The following CACNA1C variants were observed in gnomAD, a reference collection of about 807,000 sequenced individuals.
The protein encoded by CACNA1C is voltage-dependent L-type calcium channel subunit alpha-1C.
CACNA1C carries 30 observed loss-of-function variants against 229.0 expected under a neutral mutation model. The observed-to-expected ratio is 0.13, with a 90% CI of 0.10 to 0.18. The LOEUF is 0.18. Among genes scored for constraint, CACNA1C ranks in the 10% least tolerant of loss-of-function variants. CACNA1C has a pLI of 1.00. For synonymous variants in CACNA1C, 1,114 were observed against 1,132.5 expected (o/e 0.98, Z 0.33); for missense variants, 1,658 against 2,845.0 (o/e 0.58, Z 9.49).
At chr12:2,088,750 C>T (rs1439604458) in intron 1 of CACNA1C, among the ~76,000 whole-genome samples, 1 of 152,068 alleles carries the variant, frequency 6.6e-6, no homozygotes, top group Non-Finnish European at 1.5e-5. Context: ...CGGAGAAGGA[C>T]CTTCCCACTG....
At chr12:2,463,451 T>C (rs2099529363) in intron 5 of CACNA1C, among the ~76,000 whole-genome samples, 1 of 152,182 alleles carries the variant, frequency 6.6e-6, no homozygotes, top group African/African-American at 2.4e-5. Flanking sequence ...AGAAAAAATA[T>C]TCATAAAAAT....
intron 1 of CACNA1C, among the ~76,000 whole-genome samples, chr12:2,023,269 C>T (rs2046774543): frequency 6.6e-6 from 1 of 152,154 alleles, no homozygotes; most frequent in South Asian, 2.1e-4. Context: ...TCTTACTGCC[C>T]TGGACAGCCT....
rs977960185 is a variant in CACNA1C, at chr12:2,108,766, C to T, written c.50-6458C>T. ...CGAGAGACGGTGTCCTCTCTGTTCA[C>T]GTCCTCCAGCTATCTGTGTACTGCA... On this transcript the variant is annotated intron_variant, in intron 1 of 46. Coordinates refer to ENST00000399655, the MANE Select transcript of CACNA1C (RefSeq NM_000719.7). This position sits in a 1 kb window ranked among gnomAD's most constrained non-coding sequence, Gnocchi z 5.3. Among the ~76,000 whole-genome samples the T allele has an allele frequency of 3.3e-5, 5 of 152,330 alleles. No individual in the cohort carries two copies. The highest frequency in any genetic ancestry group is 4.1e-4 in the South Asian group (2 of 4,824).
At chr12:2,109,945 C>T (rs78657525) in intron 1 of CACNA1C, among the ~76,000 whole-genome samples, 2,502 of 152,300 alleles carry the variant, frequency 0.016, 28 homozygotes, top group South Asian at 0.038. Context: ...TGTAGTCCAC[C>T]TTCACCTGTA....
At chr12:2,349,718 G>A (rs777527753) in intron 3 of CACNA1C, among the ~76,000 whole-genome samples, 11 of 152,242 alleles carry the variant, frequency 7.2e-5, no homozygotes, top group East Asian at 3.9e-4. Flanking sequence ...CTGGAGCTAC[G>A]TGAGTTCTCT....
At chr12:2,492,582 C>A (rs532101591) in intron 6 of CACNA1C, among the ~76,000 whole-genome samples, 1 of 152,238 alleles carries the variant, frequency 6.6e-6, no homozygotes, top group Non-Finnish European at 1.5e-5. Context: ...AGTCCGTTTT[C>A]CGTCTTTCGC....
chr12:2,014,265 A>C (rs992798913), intron 1 of CACNA1C, among the ~76,000 whole-genome samples: 1 of 127,162 alleles, frequency 7.9e-6, no homozygotes, highest in Non-Finnish European at 1.6e-5. Context: ...CTGTCAGAAA[A>C]ATAGGCATCT....
At chr12:2,258,297 G>A (rs942945277) in intron 3 of CACNA1C, among the ~76,000 whole-genome samples, 3 of 152,122 alleles carry the variant, frequency 2.0e-5, no homozygotes, top group Admixed American at 1.3e-4. Flanking sequence ...CAGTTTAACT[G>A]CCAGGAAACT....
intron 18 of CACNA1C, among the ~76,000 whole-genome samples, chr12:2,590,695 G>A (rs574069287): frequency 1.0e-3 from 155 of 152,284 alleles, no homozygotes; most frequent in Middle Eastern, 3.4e-3. Context: ...GGGGGAGCTC[G>A]TGCAGATGTA....
chr12:2,064,937 G>A (rs533158863), intron 1 of CACNA1C, among the ~76,000 whole-genome samples: 7 of 152,314 alleles, frequency 4.6e-5, no homozygotes, highest in East Asian at 3.9e-4. Context: ...ATAAAAAAGC[G>A]CACAGGCTCA....
At position 2,219,489 on chromosome 12, in the gene CACNA1C, A is replaced by T. The variant is rs139065137; in HGVS notation, c.477+99059A>T. ...TGGCCATCTAGAAACCAAGTGTTTT[A>T]TTTTTTTGTCCATTTATTTAAAAAA... On this transcript the variant is annotated intron_variant, in intron 3 of 46. Transcript: ENST00000399655. Among the ~76,000 whole-genome samples, 437 of 151,550 alleles carry T rather than the reference A, an allele frequency of 2.9e-3. 1 individual carries two copies. Among genetic ancestry groups the T allele is most frequent in the African/African-American group, 9.6e-3 (393 of 40,914 alleles).
At chr12:2,251,274 A>G (rs1017092396) in intron 3 of CACNA1C, among the ~76,000 whole-genome samples, 1 of 152,174 alleles carries the variant, frequency 6.6e-6, no homozygotes, top group Non-Finnish European at 1.5e-5. Context: ...AGTGTGGTCT[A>G]CTGACATGTC....
chr12:2,137,953 GCCGGGAGCTCA>G (rs2093719748), intron 3 of CACNA1C, among the ~76,000 whole-genome samples: 1 of 151,574 alleles, frequency 6.6e-6, no homozygotes, highest in Admixed American at 6.6e-5. Context: ...AGGCGCCCCT[GCCGGGAGCTCA>G]TGCGGGCCAC....
Position 2,694,910 on chromosome 12 carries a change from A to C in CACNA1C, c.*3711A>C, listed in dbSNP as rs2153900327. ...GAATGTAGGTCAGGGATAGAGTGGA[A>C]CCCTGGTCATCGGGGTTTTTAGCCT... is the stretch of plus-strand genomic sequence containing the variant. On this transcript the variant is annotated 3_prime_UTR_variant, in exon 47 of 47. Coordinates refer to ENST00000399655, the MANE Select transcript of CACNA1C (RefSeq NM_000719.7). 6.6e-6 allele frequency: 1 copy of C among 152,326 alleles called. No homozygotes were observed. Among genetic ancestry groups the C allele is most frequent in the Non-Finnish European group, 1.5e-5 (1 of 68,042 alleles). 9.4% of individuals were successfully genotyped at this position (152,326 alleles called of 1,614,324 possible). A position where few individuals can be genotyped will look rare whatever the true frequency, so the allele number is the denominator to read the frequency against.
intron 3 of CACNA1C, among the ~76,000 whole-genome samples, chr12:2,188,503 G>T (rs79989979): frequency 0.02 from 3,083 of 151,884 alleles, 116 homozygotes; most frequent in African/African-American, 0.07. Context: ...TTTTTTTCAG[G>T]ACAGTGAAAA....
At chr12:2,668,323 C>T (rs1368539078) in intron 37 of CACNA1C, among the ~76,000 whole-genome samples, 1 of 152,150 alleles carries the variant, frequency 6.6e-6, no homozygotes, top group African/African-American at 2.4e-5. Context: ...ACCTCTCCCA[C>T]TCCACGAGGA....
intron 1 of CACNA1C, among the ~76,000 whole-genome samples, chr12:1,986,744 C>G (rs1398239062): frequency 6.6e-6 from 1 of 152,056 alleles, no homozygotes; most frequent in Non-Finnish European, 1.5e-5. Flanking sequence ...AAGAATAAAG[C>G]CAGGAACTCA....
intron 42 of CACNA1C, chr12:2,680,389 G>A (rs368404582): frequency 1.3e-6 from 2 of 1,558,204 alleles, no homozygotes; most frequent in South Asian, 2.4e-5. Context: ...ATGCTGGATG[G>A]TGGGACCTTC....
intron 3 of CACNA1C, among the ~76,000 whole-genome samples, chr12:2,395,438 C>T (rs1201133682): frequency 6.6e-6 from 1 of 152,060 alleles, no homozygotes; most frequent in Non-Finnish European, 1.5e-5. Context: ...AGGCTGGTCT[C>T]GAACTCCTGG....
Sources: allele counts gnomAD v4.1 joint callset (sites outside exome capture counted in the v4.1 genomes callset), GRCh38; gene constraint gnomAD v4.1.1; non-coding constraint Gnocchi (gnomAD v3.1); transcripts MANE v1.5; gene names NCBI Gene and HGNC (gene_info 2026-07-23, HGNC 2026-07-21).